Variants in NPAS3 observed in about 807,000 individuals in gnomAD.
NPAS3 encodes the protein neuronal PAS domain-containing protein 3.
Under a neutral mutation model 73.1 loss-of-function variants are expected in NPAS3, and 14 were observed. That is an observed-to-expected ratio of 0.19 (90% CI 0.13 to 0.30). The LOEUF is 0.30. Ranked by LOEUF, NPAS3 falls within the 10% of genes least tolerant of loss-of-function variation. The pLI, the probability that NPAS3 is intolerant of heterozygous loss-of-function variation, is 1.00. For synonymous variants in NPAS3, 620 were observed against 541.5 expected, an observed-to-expected ratio of 1.14 and a Z score of -2.01; for missense variants, 1,096 against 1,250.0, an observed-to-expected ratio of 0.88 and a Z score of 1.86.
At chr14:33,663,726 G>A (rs143247123) in intron 5 of NPAS3, among the ~76,000 whole-genome samples, 1 of 152,064 alleles carries the variant, frequency 6.6e-6, no homozygotes, top group African/African-American at 2.4e-5. Flanking sequence ...TTCAGAACTT[G>A]TTATTGGTCT....
intron 3 of NPAS3, among the ~76,000 whole-genome samples, chr14:33,257,128 C>T (rs2048806685): frequency 6.6e-6 from 1 of 152,196 alleles, no homozygotes; most frequent in African/African-American, 2.4e-5. Context: ...AGCCCCAATC[C>T]TATCTGTCCC....
In NPAS3 at chr14:33,367,359, C is replaced by G. The variant is rs185288487; in HGVS notation, c.468+91C>G. The G allele has an allele frequency of 3.8e-4, 234 of 611,430 alleles. 1 individual carries two copies. In the African/African-American group the frequency reaches 4.1e-3, roughly 11 times the overall value. 37.9% of individuals were successfully genotyped at this position (611,430 alleles called of 1,614,324 possible). A position where few individuals can be genotyped will look rare whatever the true frequency, so the allele number is the denominator to read the frequency against. On this transcript the variant is annotated intron_variant, in intron 4 of 11. Coordinates refer to ENST00000356141, the Ensembl canonical transcript of NPAS3. ...TTTTTAAAGAATTTTTTTTAAATGT[C>G]AGCTGTATATTTGACTGTTGTGATT...
chr14:33,670,692 A>C (rs913533462), intron 5 of NPAS3, among the ~76,000 whole-genome samples: 3 of 151,642 alleles, frequency 2.0e-5, no homozygotes, highest in African/African-American at 7.3e-5. Flanking sequence ...ATCCTGGCTC[A>C]GGATTTTCTA....
chr14:33,130,670 G>C (rs896927080), intron 2 of NPAS3, among the ~76,000 whole-genome samples: 1 of 152,130 alleles, frequency 6.6e-6, no homozygotes, highest in African/African-American at 2.4e-5. Flanking sequence ...ATTTTCTTAT[G>C]CTTTTAGGAG....
intron 7 of NPAS3, among the ~76,000 whole-genome samples, chr14:33,758,318 A>C (rs949207363): frequency 1.3e-5 from 2 of 152,198 alleles, no homozygotes; most frequent in African/African-American, 4.8e-5. Flanking sequence ...CTACTCACCC[A>C]TAGAAATTTA....
intron 1 of NPAS3, among the ~76,000 whole-genome samples, chr14:32,994,626 G>GTT (rs1382696309): frequency 8.2e-6 from 1 of 121,494 alleles, no homozygotes; most frequent in African/African-American, 3.6e-5. Flanking sequence ...TTGTTTGTTT[G>GTT]TTTGTTTTTG....
intron 2 of NPAS3, among the ~76,000 whole-genome samples, chr14:33,135,753 A>G (rs1225594823): frequency 1.3e-5 from 2 of 152,234 alleles, no homozygotes; most frequent in Non-Finnish European, 2.9e-5. Flanking sequence ...AAAAGAAACA[A>G]TAAAATACTA....
At chr14:33,664,313 C>T (rs1839477993) in intron 5 of NPAS3, among the ~76,000 whole-genome samples, 1 of 152,102 alleles carries the variant, frequency 6.6e-6, no homozygotes, top group South Asian at 2.1e-4. Context: ...ACCGGCTAGC[C>T]ATATGCAGAA....
intron 3 of NPAS3, among the ~76,000 whole-genome samples, chr14:33,233,933 A>T (rs2047940818): frequency 6.6e-6 from 1 of 152,190 alleles, no homozygotes; most frequent in South Asian, 2.1e-4. Context: ...TCTAATGAAG[A>T]CTTTTTCTTT....
intron 3 of NPAS3, among the ~76,000 whole-genome samples, chr14:33,285,607 A>T (rs1370587068): frequency 6.6e-6 from 1 of 152,168 alleles, no homozygotes; most frequent in Non-Finnish European, 1.5e-5. Flanking sequence ...GACTTACCAC[A>T]ATAACAACAC....
At chr14:33,358,261 T>C (rs753473757) in intron 3 of NPAS3, among the ~76,000 whole-genome samples, 35 of 152,056 alleles carry the variant, frequency 2.3e-4, no homozygotes, top group Non-Finnish European at 4.9e-4. Flanking sequence ...GAGAGAATTG[T>C]AAAGTTGGGG....
intron 5 of NPAS3, among the ~76,000 whole-genome samples, chr14:33,654,510 AT>A (rs2059088416): frequency 6.6e-6 from 1 of 152,148 alleles, no homozygotes; most frequent in African/African-American, 2.4e-5. Flanking sequence ...TGACGATTAG[AT>A]TTTTTTAAAG....
chr14:33,684,250 C>G (rs531205360), intron 6 of NPAS3, among the ~76,000 whole-genome samples: 93 of 150,736 alleles, frequency 6.2e-4, no homozygotes, highest in Non-Finnish European at 1.1e-3. Flanking sequence ...AACATAGTCT[C>G]TTACTTAGAA....
chr14:33,435,906 A>C (rs1017775068), intron 4 of NPAS3, among the ~76,000 whole-genome samples: 4 of 152,184 alleles, frequency 2.6e-5, no homozygotes, highest in Non-Finnish European at 5.9e-5. Context: ...TCTTGATTTT[A>C]TACAGAGCAG....
At chr14:33,035,655 T>C (rs751147247) in intron 1 of NPAS3, among the ~76,000 whole-genome samples, 1 of 152,210 alleles carries the variant, frequency 6.6e-6, no homozygotes, top group African/African-American at 2.4e-5. Context: ...TGGCACAGCA[T>C]TTTCCAATTA....
chr14:33,367,399 C>A, intron 4 of NPAS3, 131 bp downstream of exon 4: 9 of 512,544 alleles, frequency 1.8e-5, no homozygotes, highest in South Asian at 3.1e-5. Context: ...CTTGAAATTC[C>A]GAAATTCTTA....
Position 33,656,467 on chromosome 14 carries a change from C to T in NPAS3, c.559-19744C>T, listed in dbSNP as rs184186190. Among the ~76,000 whole-genome samples the T allele has an allele frequency of 2.0e-5, 3 of 152,300 alleles. No homozygotes were observed. The East Asian group carries it at 5.8e-4, about 29-fold the overall frequency. Reference sequence around the variant, plus strand: ...GAAAGTAGGAGAGCTGAGATTCCAACTCTGGCCTTTTCAACTCCAAGGTCA... The same window carrying T: ...GAAAGTAGGAGAGCTGAGATTCCAATTCTGGCCTTTTCAACTCCAAGGTCA... On this transcript the variant is annotated intron_variant, in intron 5 of 11. Coordinates refer to ENST00000356141, the Ensembl canonical transcript of NPAS3.
chr14:32,955,967 C>T (rs1020180612), intron 1 of NPAS3, among the ~76,000 whole-genome samples: 2 of 151,982 alleles, frequency 1.3e-5, no homozygotes, highest in Non-Finnish European at 2.9e-5. Context: ...AGATTATACC[C>T]CTGTAACTCT....
At chr14:33,012,078 G>GTGCC (rs1258921117) in intron 1 of NPAS3, among the ~76,000 whole-genome samples, 1 of 47,364 alleles carries the variant, frequency 2.1e-5, no homozygotes, top group Non-Finnish European at 5.0e-5. Context: ...GCCTGGGGCT[G>GTGCC]TGCCTGCCTT....
Sources: gnomAD v4.1 joint callset for allele counts (sites outside exome capture counted in the v4.1 genomes callset) on GRCh38, gnomAD v4.1.1 for gene constraint, MANE v1.5 for transcripts, NCBI Gene and HGNC (gene_info 2026-07-23, HGNC 2026-07-21) for gene names.